The following NRG3 variants were observed in gnomAD, a reference collection of about 807,000 sequenced individuals.
NRG3 encodes the protein pro-neuregulin-3, membrane-bound isoform.
NRG3 carries 31 observed loss-of-function variants against 66.9 expected under a neutral mutation model. That is an observed-to-expected ratio of 0.46 (90% confidence interval 0.35 to 0.63). NRG3 has a LOEUF of 0.63. Ranked by LOEUF, NRG3 falls within the 20% of genes least tolerant of loss-of-function variation. The pLI is 0.00. For synonymous variants in NRG3, 393 were observed against 359.4 expected, an observed-to-expected ratio of 1.09 and a Z score of -1.06; for missense variants, 910 against 878.9, an observed-to-expected ratio of 1.04 and a Z score of -0.45.
In NRG3 at chr10:82,955,360, ATATATTCCT is replaced by A. The variant is rs1173265291; in HGVS notation, c.1158-3588_1158-3580del. ...AATTCTCTTCACTCCCAATAAGCTCATATATTCCTATACATAGTTAATAGAACTATTAAT... is the reference window on the plus strand; with the variant it reads ...AATTCTCTTCACTCCCAATAAGCTCAATACATAGTTAATAGAACTATTAAT... On this transcript the variant is annotated intron_variant, in intron 5 of 8. Coordinates refer to ENST00000372141, the MANE Select transcript of NRG3 (RefSeq NM_001010848.4). 7.2e-5 allele frequency: 11 copies of A among 151,962 alleles called. No individual in the cohort carries two copies. In the East Asian group the frequency reaches 2.1e-3, roughly 29 times the overall value. 9.4% of individuals were successfully genotyped at this position (151,962 alleles called of 1,614,324 possible).
intron 1 of NRG3, among the ~76,000 whole-genome samples, chr10:82,348,230 G>A (rs1048078768): frequency 1.1e-4 from 16 of 152,238 alleles, no homozygotes; most frequent in South Asian, 6.2e-4. Context: ...CATGTTTAGC[G>A]CTTCCTTCAA....
intron 1 of NRG3, chr10:81,877,960 A>G (rs1414440222): frequency 2.6e-6 from 4 of 1,537,598 alleles, no homozygotes; most frequent in Non-Finnish European, 2.6e-6. Flanking sequence ...TTGATAGAAT[A>G]ATGGAGTGTG....
At chr10:82,918,963 G>A (rs1462394331) in intron 4 of NRG3, among the ~76,000 whole-genome samples, 1 of 151,952 alleles carries the variant, frequency 6.6e-6, no homozygotes. Flanking sequence ...CCTGTTCTAG[G>A]TTTCTGAAAT....
intron 1 of NRG3, among the ~76,000 whole-genome samples, chr10:82,277,993 G>T: frequency 6.6e-6 from 1 of 151,990 alleles, no homozygotes; most frequent in East Asian, 1.9e-4. Context: ...CTCATCTTCA[G>T]TAACTTCAAA....
chr10:82,139,156 T>C (rs532761048), intron 1 of NRG3, among the ~76,000 whole-genome samples: 110 of 152,272 alleles, frequency 7.2e-4, no homozygotes, highest in African/African-American at 2.5e-3. Context: ...GTTTTCTGCT[T>C]GGAAAGCAAT....
chr10:82,652,292 A>G (rs2051483225), intron 2 of NRG3, among the ~76,000 whole-genome samples: 2 of 151,924 alleles, frequency 1.3e-5, no homozygotes, highest in South Asian at 2.1e-4. Flanking sequence ...TTGTATCCAC[A>G]CTCTTGGCTC....
intron 1 of NRG3, among the ~76,000 whole-genome samples, chr10:82,246,212 GAA>G (rs2134048334): frequency 6.6e-6 from 1 of 152,142 alleles, no homozygotes; most frequent in South Asian, 2.1e-4. Context: ...ATTTTAAAAA[GAA>G]AAGACTTGGG....
chr10:82,094,279 A>G (rs1005405252), intron 1 of NRG3, among the ~76,000 whole-genome samples: 3 of 152,216 alleles, frequency 2.0e-5, no homozygotes, highest in Non-Finnish European at 4.4e-5. Flanking sequence ...AATGCAAATT[A>G]AAACCATCAT....
intron 1 of NRG3, among the ~76,000 whole-genome samples, chr10:81,939,222 A>G (rs942064060): frequency 6.6e-6 from 1 of 151,948 alleles, no homozygotes; most frequent in Admixed American, 6.6e-5. Flanking sequence ...ATATTGGTCT[A>G]TAGTTTTATT....
At chr10:81,888,454 T>G (rs1294804150) in intron 1 of NRG3, among the ~76,000 whole-genome samples, 1 of 152,164 alleles carries the variant, frequency 6.6e-6, no homozygotes, top group Non-Finnish European at 1.5e-5. Flanking sequence ...ATCTGTGGTT[T>G]TTGTTGAGAA....
intron 2 of NRG3, among the ~76,000 whole-genome samples, chr10:82,512,998 G>A (rs945460942): frequency 6.6e-6 from 1 of 152,032 alleles, no homozygotes; most frequent in Non-Finnish European, 1.5e-5. Flanking sequence ...GGACGTGCAG[G>A]TTTGTTACAT....
chr10:82,649,184 G>C (rs2051205154), intron 2 of NRG3, among the ~76,000 whole-genome samples: 1 of 152,106 alleles, frequency 6.6e-6, no homozygotes, highest in African/African-American at 2.4e-5. Context: ...AAGTGAAATT[G>C]TCCCTGTTTG....
At position 82,132,468 on chromosome 10, in the gene NRG3, GAT is replaced by G. The variant is rs1214093251; in HGVS notation, c.824-226262_824-226261del. Among the ~76,000 whole-genome samples, 10 of 119,908 alleles carry G rather than the reference GAT, an allele frequency of 8.3e-5. No homozygotes were observed. The East Asian group carries it at 1.9e-3, about 23-fold the overall frequency. The allele number at this position is 119,908 out of a possible 152,430, so 78.7% of individuals were successfully genotyped here. A position where few individuals can be genotyped will look rare whatever the true frequency, so the allele number is the denominator to read the frequency against. On this transcript the variant is annotated intron_variant, in intron 1 of 8. Coordinates refer to ENST00000372141, the MANE Select transcript of NRG3 (RefSeq NM_001010848.4). Reference sequence around the variant, plus strand: ...TCTTTTATATATATATGATATATATGATATATATATGATATATATATATGATA... The same window carrying G: ...TCTTTTATATATATATGATATATATGATATATATGATATATATATATGATA...
intron 1 of NRG3, among the ~76,000 whole-genome samples, chr10:82,321,256 C>T (rs1174147158): frequency 1.3e-5 from 2 of 149,902 alleles, no homozygotes; most frequent in African/African-American, 5.0e-5. Context: ...CGCATGGTGG[C>T]TGAACAGGTA....
chr10:82,566,682 C>T (rs1362569199), intron 2 of NRG3, among the ~76,000 whole-genome samples: 1 of 151,896 alleles, frequency 6.6e-6, no homozygotes, highest in Non-Finnish European at 1.5e-5. Context: ...CAGGAATAGT[C>T]ACATGAGGGT....
chr10:82,732,244 G>A (rs1343656909), intron 2 of NRG3, among the ~76,000 whole-genome samples: 1 of 152,158 alleles, frequency 6.6e-6, no homozygotes, highest in Non-Finnish European at 1.5e-5. Context: ...AGCTCAGGAA[G>A]TATGCCTTTA....
chr10:82,644,200 A>G (rs1469186548), intron 2 of NRG3, among the ~76,000 whole-genome samples: 1 of 151,968 alleles, frequency 6.6e-6, no homozygotes, highest in Non-Finnish European at 1.5e-5. Context: ...TTTTCAGCTC[A>G]CCCCACTTTC....
intron 1 of NRG3, among the ~76,000 whole-genome samples, chr10:81,943,659 A>C (rs1319741030): frequency 6.6e-6 from 1 of 152,208 alleles, no homozygotes. Context: ...TAAGACCCAT[A>C]AAGTAGACCA....
intron 1 of NRG3, among the ~76,000 whole-genome samples, chr10:82,055,961 T>C (rs997355222): frequency 2.0e-5 from 3 of 152,152 alleles, no homozygotes; most frequent in African/African-American, 7.2e-5. Flanking sequence ...GAGGAGAAGA[T>C]GTGAAATCAT....
Sources: allele counts gnomAD v4.1 joint callset (sites outside exome capture counted in the v4.1 genomes callset), GRCh38; gene constraint gnomAD v4.1.1; transcripts MANE v1.5; gene names NCBI Gene and HGNC (gene_info 2026-07-23, HGNC 2026-07-21).